Variants in ZNF568 observed in about 807,000 individuals in gnomAD.
The protein encoded by ZNF568 is zinc finger protein 568, also known as p53 inhibitor of SCO2 activation.
Under a neutral mutation model 18.1 loss-of-function variants are expected in ZNF568, and 11 were observed. The observed-to-expected ratio is 0.61, with a 90% CI of 0.38 to 1.00. ZNF568 has a LOEUF of 1.00. Among genes scored for constraint, ZNF568 ranks in the 50% least tolerant of loss-of-function variants. The pLI is 0.01. For missense variants in ZNF568, 639 were observed against 768.2 expected, an observed-to-expected ratio of 0.83 and a Z score of 1.99; for synonymous variants, 213 against 246.6, an observed-to-expected ratio of 0.86 and a Z score of 1.28.
At chr19:36,996,508 A>G (rs1331894420) in exon 5 of ZNF568, 2 of 1,536,144 alleles carry the variant, frequency 1.3e-6, no homozygotes, top group Admixed American at 2.0e-5. Context: ...CACAGCCCAT[A>G]GAGAATATCA....
intron 6 of ZNF568, among the ~76,000 whole-genome samples, chr19:36,971,101 C>T (rs1043852301): frequency 3.9e-5 from 6 of 151,942 alleles, no homozygotes; most frequent in African/African-American, 1.4e-4. Context: ...AGAATACAGG[C>T]GGGCACCTGT....
intron 2 of ZNF568, among the ~76,000 whole-genome samples, chr19:36,921,539 C>T (rs1401429442): frequency 6.6e-6 from 1 of 151,680 alleles, no homozygotes; most frequent in Non-Finnish European, 1.5e-5. Flanking sequence ...ATATCTCAAG[C>T]ATAGCACTTC....
intron 6 of ZNF568, among the ~76,000 whole-genome samples, chr19:36,945,387 G>T (rs1178449412): frequency 6.6e-6 from 1 of 152,080 alleles, no homozygotes; most frequent in African/African-American, 2.4e-5. Context: ...AGCCTACTCA[G>T]TGTGAAGATA....
rs888300259 is a variant in ZNF568, at chr19:36,917,559, C to T, written c.-255-20C>T. On this transcript the variant is annotated intron_variant, in intron 1 of 6. Transcript: ENST00000333987. ...CTTAAGAATTTCATTTTCTAACCCC[C>T]TTGTGTCTTTATGTTTCAGATCTGT... 6.6e-6 allele frequency: 1 copy of T among 152,134 alleles called. No homozygotes were observed. Among genetic ancestry groups the T allele is most frequent in the African/African-American group, 2.4e-5 (1 of 41,418 alleles). The allele number at this position is 152,134 out of a possible 1,614,324, so 9.4% of individuals were successfully genotyped here.
chr19:36,975,756 CGTGATCTG>C (rs2074279954), intron 7 of ZNF568, among the ~76,000 whole-genome samples: 1 of 28,606 alleles, frequency 3.5e-5, no homozygotes, highest in Non-Finnish European at 6.8e-5. Flanking sequence ...GTGATCTGAG[CGTGATCTG>C]AGCTCGCTGC....
intron 6 of ZNF568, among the ~76,000 whole-genome samples, chr19:36,946,740 C>T (rs1192571168): frequency 6.7e-6 from 1 of 149,856 alleles, no homozygotes; most frequent in Non-Finnish European, 1.5e-5. Context: ...ACAACCTCCG[C>T]CTCCCAGGTT....
chr19:36,945,733 TTATATG>T (rs908095314), intron 6 of ZNF568, among the ~76,000 whole-genome samples: 2 of 41,938 alleles, frequency 4.8e-5, no homozygotes, highest in Non-Finnish European at 1.1e-4. Context: ...AAATGTGTGA[TTATATG>T]TGTGTGTGTG....
intron 4 of ZNF568, chr19:36,996,264 C>T (rs1160688685): frequency 7.6e-7 from 1 of 1,324,096 alleles, no homozygotes. Flanking sequence ...CAGGACTTTT[C>T]TTTGTCCTGC....
At chr19:36,985,839 G>T (rs2074371761) in intron 2 of ZNF568, among the ~76,000 whole-genome samples, 1 of 151,772 alleles carries the variant, frequency 6.6e-6, no homozygotes, top group South Asian at 2.1e-4. Flanking sequence ...TTTTAAATTT[G>T]ATTTTTTGTT....
intron 6 of ZNF568, among the ~76,000 whole-genome samples, chr19:36,965,192 A>G (rs1169961368): frequency 6.6e-6 from 1 of 152,176 alleles, no homozygotes; most frequent in Non-Finnish European, 1.5e-5. Flanking sequence ...AACCTTTACA[A>G]GGTGATTAGC....
chr19:36,967,637 CT>C (rs1157757708), intron 6 of ZNF568, among the ~76,000 whole-genome samples: 1 of 152,194 alleles, frequency 6.6e-6, no homozygotes, highest in East Asian at 1.9e-4. Context: ...CTGATACAAA[CT>C]GACCATAGAA....
rs1299886021 is a variant in ZNF568 at position 36,949,680 on chromosome 19, A to G, written c.527A>G (p.Tyr176Cys). 6.2e-7 allele frequency: 1 copy of G among 1,613,828 alleles called. No individual in the cohort carries two copies. The highest frequency in any genetic ancestry group is 2.2e-5 in the East Asian group (1 of 44,842). The change falls in exon 7 of 7, where the codon TAT becomes TGT. Residue 176 changes from tyrosine (Y) to cysteine (C), a missense_variant. By Grantham distance (194) the Tyr-to-Cys change is radical (BLOSUM62 -2). Coordinates refer to ENST00000333987, the MANE Select transcript of ZNF568 (RefSeq NM_198539.4). The stretch of plus-strand genomic sequence containing the variant: ...ATTGTTACTTCAAGACAAAGCTTCT[A>G]TGACTGTGACTCACTTGATAAGGGT... ...SDIVTSRQSFYDCDSLDKGLE... is the reference protein window; with the variant it reads ...SDIVTSRQSFCDCDSLDKGLE...
chr19:36,951,265 T>C lies in ZNF568; in HGVS notation c.*177T>C, dbSNP rs1248196860. 2.0e-6 allele frequency: 1 copy of C among 508,586 alleles called. No individual in the cohort carries two copies. The highest frequency in any genetic ancestry group is 3.1e-6 in the Non-Finnish European group (1 of 324,262). 31.5% of individuals were successfully genotyped at this position (508,586 alleles called of 1,614,324 possible). A position where few individuals can be genotyped will look rare whatever the true frequency, so the allele number is the denominator to read the frequency against. On this transcript the variant is annotated 3_prime_UTR_variant, in exon 7 of 7. Coordinates refer to ENST00000333987, the MANE Select transcript of ZNF568 (RefSeq NM_198539.4). ...GGAAAAACCCAGTATTATAAAAACC[T>C]CAATTCTGAAAATCTATAGACTGAA...
intron 2 of ZNF568, among the ~76,000 whole-genome samples, chr19:36,987,805 G>GA (rs1256183622): frequency 2.7e-5 from 3 of 111,904 alleles, no homozygotes; most frequent in Non-Finnish European, 5.7e-5. Context: ...ATCTCAGAGA[G>GA]AAAGAAAACA....
chr19:36,930,311 G>A (rs1190894542), intron 4 of ZNF568, among the ~76,000 whole-genome samples: 1 of 151,046 alleles, frequency 6.6e-6, no homozygotes, highest in Non-Finnish European at 1.5e-5. Context: ...CCAGGTTCAC[G>A]CCATTCTCCT....
At chr19:36,949,447 A>T (rs940068564) in intron 6 of ZNF568, 65 bp from the exon 7 acceptor site, 1 of 1,467,824 alleles carries the variant, frequency 6.8e-7, no homozygotes, top group African/African-American at 1.4e-5. Context: ...CCTATTTCTG[A>T]TATGTTATTA....
intron 4 of ZNF568, among the ~76,000 whole-genome samples, chr19:36,995,299 T>G (rs1644691): frequency 1.3e-5 from 2 of 151,802 alleles, no homozygotes; most frequent in African/African-American, 4.8e-5. Context: ...CTCAGGAGGC[T>G]GAGGCATGAG....
chr19:36,935,378 G>A (rs1354704797), intron 4 of ZNF568, among the ~76,000 whole-genome samples: 1 of 151,966 alleles, frequency 6.6e-6, no homozygotes, highest in African/African-American at 2.4e-5. Context: ...TGGCCAAGAT[G>A]GTGAAACCCC....
intron 3 of ZNF568, among the ~76,000 whole-genome samples, 197 bp downstream of exon 3, chr19:36,923,043 T>TG (rs34898479): frequency 0.58 from 87,606 of 151,974 alleles, 26,021 homozygotes; most frequent in African/African-American, 0.7. Flanking sequence ...TTTTATTTCT[T>TG]AAGAGTATGT....
Sources: allele counts gnomAD v4.1 joint callset (sites outside exome capture counted in the v4.1 genomes callset), GRCh38; gene constraint gnomAD v4.1.1; transcripts MANE v1.5; gene names NCBI Gene and HGNC (gene_info 2026-07-23, HGNC 2026-07-21).